INSL6: variants seen among roughly 807,000 people sequenced by gnomAD.
The protein encoded by INSL6 is insulin-like peptide INSL6.
A neutral mutation model predicts 9.4 loss-of-function variants in INSL6; 16 were observed. The ratio of observed to expected loss-of-function variants is 1.70; its 90% CI spans 1.15 to 2.59. INSL6 has a LOEUF of 2.59. INSL6 is among the 30% of genes most tolerant of loss of function. The pLI is 0.00. For synonymous variants in INSL6, 154 were observed against 96.9 expected (o/e 1.59, Z -3.46); for missense variants, 391 against 257.3 (o/e 1.52, Z -3.56).
At chr9:5,022,807 C>T in the INSL6 span, among the ~76,000 whole-genome samples, 51,600 of 152,030 alleles carry the variant, frequency 0.34, 9,375 homozygotes, top group African/African-American at 0.48. Flanking sequence ...ATAGAGCCTA[C>T]TATCATGGTA....
At chr9:5,165,254 A>T (rs1054489042) in intron 1 of INSL6, among the ~76,000 whole-genome samples, 4 of 152,212 alleles carry the variant, frequency 2.6e-5, no homozygotes, top group Admixed American at 6.5e-5. Context: ...GCATTCACAC[A>T]CAAGTTTTTG....
chr9:5,079,025 A>T, the INSL6 span, among the ~76,000 whole-genome samples: 1 of 152,176 alleles, frequency 6.6e-6, no homozygotes, highest in Non-Finnish European at 1.5e-5. Flanking sequence ...CTCTAATTGG[A>T]TGTTCTAAAT....
At chr9:5,090,501 C>T in the INSL6 span, 1 of 1,589,848 alleles carries the variant, frequency 6.3e-7, no homozygotes, top group Non-Finnish European at 8.6e-7. Context: ...GTTTACGAGA[C>T]TATCTTCAAA....
chr9:5,131,026 G>T (rs1185107709), intron 3 of INSL6, among the ~76,000 whole-genome samples: 1 of 152,154 alleles, frequency 6.6e-6, no homozygotes, highest in South Asian at 2.1e-4. Context: ...ACCGCGCCCA[G>T]CCCGAGTATG....
chr9:5,161,084 A>G (rs1824916891), downstream of INSL6, among the ~76,000 whole-genome samples: 1 of 152,156 alleles, frequency 6.6e-6, no homozygotes, highest in African/African-American at 2.4e-5. Flanking sequence ...AACTCATTCT[A>G]TGAGACCAAT....
downstream of INSL6, among the ~76,000 whole-genome samples, chr9:5,120,286 A>T (rs1432297061): frequency 6.6e-6 from 1 of 152,240 alleles, no homozygotes; most frequent in Non-Finnish European, 1.5e-5. Context: ...CTCATGGCGT[A>T]ATCATCTCTT....
chr9:5,045,843 T>C, the INSL6 span, among the ~76,000 whole-genome samples: 279 of 152,318 alleles, frequency 1.8e-3, 1 homozygote, highest in African/African-American at 6.4e-3. Context: ...GTTGCTGCTG[T>C]GAACATGGGT....
the INSL6 span, among the ~76,000 whole-genome samples, chr9:5,027,038 C>T: frequency 7.7e-4 from 118 of 152,276 alleles, no homozygotes; most frequent in African/African-American, 2.7e-3. Flanking sequence ...TAAAACAACT[C>T]CTTCTGTGCA....
intron 3 of INSL6, chr9:5,126,086 C>A: frequency 3.1e-6 from 1 of 320,572 alleles, no homozygotes; most frequent in East Asian, 4.9e-5. Context: ...GTTTTTAGTT[C>A]ATGTGTTTTG....
the INSL6 span, chr9:5,072,687 G>A: frequency 1.6e-6 from 2 of 1,273,236 alleles, no homozygotes; most frequent in South Asian, 2.0e-5. Context: ...GCTCTCATAT[G>A]CATACAACGT....
At chr9:5,062,977 A>G in the INSL6 span, among the ~76,000 whole-genome samples, 15 of 152,058 alleles carry the variant, frequency 9.9e-5, no homozygotes, top group African/African-American at 3.1e-4. Context: ...TTTGTTATAC[A>G]TGTTTGTAAT....
At chr9:5,106,655 G>C in the INSL6 span, among the ~76,000 whole-genome samples, 2 of 152,160 alleles carry the variant, frequency 1.3e-5, no homozygotes, top group Non-Finnish European at 1.5e-5. Context: ...CAACCCAAAT[G>C]CCCATCAATG....
At chr9:5,157,720 C>T (rs1195654210) in intron 2 of INSL6, among the ~76,000 whole-genome samples, 1 of 152,110 alleles carries the variant, frequency 6.6e-6, no homozygotes, top group African/African-American at 2.4e-5. Flanking sequence ...CTTCCCAAGA[C>T]GGACTGGTAC....
At chr9:5,033,659 G>C in the INSL6 span, among the ~76,000 whole-genome samples, 3 of 152,268 alleles carry the variant, frequency 2.0e-5, no homozygotes, top group East Asian at 5.8e-4. Flanking sequence ...ATGTGAAGGA[G>C]AAATAAAATC....
At chr9:5,139,898 GGCACT>G (rs1035051613) in intron 2 of INSL6, among the ~76,000 whole-genome samples, 1 of 152,104 alleles carries the variant, frequency 6.6e-6, no homozygotes, top group African/African-American at 2.4e-5. Context: ...TAGTGAACAT[GGCACT>G]GCTAAATACT....
chr9:5,178,313 T>G (rs1825363590), intron 1 of INSL6, among the ~76,000 whole-genome samples: 1 of 151,946 alleles, frequency 6.6e-6, no homozygotes, highest in South Asian at 2.1e-4. Context: ...GAGGAGGGGC[T>G]GCCGCCATCT....
At chr9:5,081,112 G>A in the INSL6 span, among the ~76,000 whole-genome samples, 5 of 151,644 alleles carry the variant, frequency 3.3e-5, no homozygotes, top group Non-Finnish European at 7.4e-5. Flanking sequence ...AGCCAGGATG[G>A]TCTCGATCTC....
At chr9:5,181,612 A>G (rs1438389403) in intron 1 of INSL6, among the ~76,000 whole-genome samples, 1 of 152,198 alleles carries the variant, frequency 6.6e-6, no homozygotes, top group Non-Finnish European at 1.5e-5. Flanking sequence ...CTTACTGCTT[A>G]ATTATATAAA....
At chr9:5,056,268 G>A in the INSL6 span, among the ~76,000 whole-genome samples, 10 of 151,956 alleles carry the variant, frequency 6.6e-5, no homozygotes, top group Non-Finnish European at 1.0e-4. Flanking sequence ...AAAGATTAAC[G>A]CTTTCTCTTT....
Sources: gnomAD v4.1 joint callset for allele counts (sites outside exome capture counted in the v4.1 genomes callset) on GRCh38, gnomAD v4.1.1 for gene constraint, MANE v1.5 for transcripts, NCBI Gene and HGNC (gene_info 2026-07-23, HGNC 2026-07-21) for gene names.